The following ELP4 variants were observed in gnomAD, a reference collection of about 807,000 sequenced individuals.
The protein encoded by ELP4 is elongator acetyltransferase complex subunit 4, also known as elongator complex protein 4.
A neutral mutation model predicts 48.9 loss-of-function variants in ELP4; 51 were observed. That is an observed-to-expected ratio of 1.04 (90% CI 0.83 to 1.32). ELP4 has a LOEUF of 1.32. ELP4 is among the 40% of genes most tolerant of loss of function. ELP4 has a pLI of 0.00. For missense variants in ELP4, 519 were observed against 514.6 expected, an observed-to-expected ratio of 1.01 and a Z score of -0.08; for synonymous variants, 210 against 189.2, an observed-to-expected ratio of 1.11 and a Z score of -0.90.
chr11:31,706,967 T>C, intron 9 of ELP4: 1 of 398,406 alleles, frequency 2.5e-6, no homozygotes, highest in Non-Finnish European at 4.4e-6. Flanking sequence ...CACCACATTT[T>C]CTTTATTCAT....
intron 9 of ELP4, among the ~76,000 whole-genome samples, chr11:31,687,290 T>G (rs1946181025): frequency 6.6e-6 from 1 of 152,188 alleles, no homozygotes; most frequent in Non-Finnish European, 1.5e-5. Flanking sequence ...AGCTGGTAGT[T>G]GAAGACATTA....
chr11:31,541,570 T>G (rs1484111830), intron 3 of ELP4: 1 of 152,168 alleles, frequency 6.6e-6, no homozygotes, highest in Non-Finnish European at 1.5e-5. Flanking sequence ...CATAGGAAAA[T>G]TTTGCCAGCC....
At chr11:31,660,750 G>A (rs1435480117) in intron 9 of ELP4, among the ~76,000 whole-genome samples, 5 of 151,890 alleles carry the variant, frequency 3.3e-5, no homozygotes, top group South Asian at 2.1e-4. Flanking sequence ...TTTCAAAGTA[G>A]TTGGGATTTA....
At chr11:31,741,494 C>T (rs2134220234) in intron 9 of ELP4, among the ~76,000 whole-genome samples, 1 of 152,300 alleles carries the variant, frequency 6.6e-6, no homozygotes, top group East Asian at 1.9e-4. Context: ...GGAGACACCC[C>T]CCAGTAGGGG....
chr11:31,527,452 C>T (rs1371234296), intron 2 of ELP4, among the ~76,000 whole-genome samples: 1 of 151,998 alleles, frequency 6.6e-6, no homozygotes, highest in East Asian at 1.9e-4. Context: ...TTGAAGCTTT[C>T]CCTACTTCCA....
chr11:31,707,599 T>G (rs1286467455), intron 9 of ELP4, among the ~76,000 whole-genome samples: 1 of 152,178 alleles, frequency 6.6e-6, no homozygotes, highest in Non-Finnish European at 1.5e-5. Context: ...TGACTAATTT[T>G]ATATTATTTT....
intron 9 of ELP4, among the ~76,000 whole-genome samples, chr11:31,739,026 A>G (rs1356717423): frequency 2.0e-5 from 3 of 152,158 alleles, no homozygotes; most frequent in African/African-American, 7.2e-5. Flanking sequence ...TCACAATACT[A>G]TGCTGCACAC....
At chr11:31,549,570 T>A (rs1452214716) in intron 3 of ELP4, among the ~76,000 whole-genome samples, 10 of 151,904 alleles carry the variant, frequency 6.6e-5, no homozygotes, top group African/African-American at 1.4e-4. Flanking sequence ...ATTGTGGAAG[T>A]CAGTGTGGTG....
chr11:31,509,794 G>A lies in ELP4; in HGVS notation c.10G>A (p.Val4Met), dbSNP rs1398929551. 2.5e-6 allele frequency: 4 copies of A among 1,614,126 alleles called. No homozygotes were observed. Among genetic ancestry groups the A allele is most frequent in the South Asian group, 1.1e-5 (1 of 91,074 alleles). Residue 4 changes from valine to methionine, a missense_variant, in exon 1 of 10, where the codon GTG (valine) becomes ATG (methionine). Val to Met is a conservative substitution (Grantham distance 21). Coordinates refer to ENST00000640961, the MANE Select transcript of ELP4 (RefSeq NM_019040.5). The stretch of plus-strand genomic sequence containing the variant: ...CACTGGAGGCTCTAAGATGGCGGCA[G>A]TGGCAACCTGCGGTAGTGTTGCCGC... MAAVATCGSVAAST... is the reference protein window; with the variant it reads MAAMATCGSVAAST...
chr11:31,602,130 T>C (rs911365057), intron 4 of ELP4, among the ~76,000 whole-genome samples: 6 of 152,078 alleles, frequency 3.9e-5, no homozygotes, highest in African/African-American at 1.2e-4. Context: ...CTGGTGTTTT[T>C]CTCAATGAAG....
At chr11:31,645,716 G>C (rs998984502) in intron 7 of ELP4, 3 of 151,688 alleles carry the variant, frequency 2.0e-5, no homozygotes, top group African/African-American at 7.3e-5. Flanking sequence ...TTGTTCATCT[G>C]AGGGTCCATG....
intron 7 of ELP4, among the ~76,000 whole-genome samples, chr11:31,643,830 T>G (rs1021035023): frequency 2.0e-5 from 3 of 150,548 alleles, no homozygotes; most frequent in East Asian, 2.0e-4. Flanking sequence ...ACTCTGAAGG[T>G]TTTTTTTTGA....
At chr11:31,779,859 G>C (rs1439383514) in intron 9 of ELP4, 2 of 152,208 alleles carry the variant, frequency 1.3e-5, no homozygotes, top group Non-Finnish European at 2.9e-5. Flanking sequence ...CAGCCAGCCA[G>C]CCAGCTATCC....
intron 3 of ELP4, among the ~76,000 whole-genome samples, chr11:31,590,697 G>A (rs111853013): frequency 2.0e-4 from 30 of 152,178 alleles, no homozygotes; most frequent in African/African-American, 5.1e-4. Flanking sequence ...CTCAGGAAGC[G>A]TCTAATCATA....
At chr11:31,699,325 T>C (rs879793077) in intron 9 of ELP4, among the ~76,000 whole-genome samples, 8 of 152,080 alleles carry the variant, frequency 5.3e-5, no homozygotes, top group African/African-American at 4.8e-5. Flanking sequence ...TGAAAAAACA[T>C]GGCCCAGGAT....
intron 8 of ELP4, chr11:31,648,612 A>G (rs1263526112): frequency 6.6e-6 from 1 of 151,552 alleles, no homozygotes; most frequent in Admixed American, 6.6e-5. Flanking sequence ...AATTATTGCT[A>G]CCATTGTTAT....
At chr11:31,598,465 A>G (rs890713137) in intron 4 of ELP4, among the ~76,000 whole-genome samples, 2 of 150,156 alleles carry the variant, frequency 1.3e-5, no homozygotes, top group African/African-American at 4.9e-5. Flanking sequence ...TTAACAAATA[A>G]ACTTAGTACA....
chr11:31,753,117 A>G (rs2134241938), intron 9 of ELP4, among the ~76,000 whole-genome samples: 1 of 152,340 alleles, frequency 6.6e-6, no homozygotes, highest in Non-Finnish European at 1.5e-5. Context: ...TACATTTAGC[A>G]GTCTTACTAT....
chr11:31,708,462 T>C (rs1366030321), intron 9 of ELP4, among the ~76,000 whole-genome samples: 1 of 152,184 alleles, frequency 6.6e-6, no homozygotes, highest in Non-Finnish European at 1.5e-5. Context: ...AATAAGTTTT[T>C]ATTGACAGTA....
Sources: allele counts gnomAD v4.1 joint callset (sites outside exome capture counted in the v4.1 genomes callset), GRCh38; gene constraint gnomAD v4.1.1; transcripts MANE v1.5; gene names NCBI Gene and HGNC (gene_info 2026-07-23, HGNC 2026-07-21).